Variants in SOX6 observed in about 807,000 individuals in gnomAD.
SOX6 encodes the protein SRY-box transcription factor 6, also known as transcription factor SOX-6.
Under a neutral mutation model 97.8 loss-of-function variants are expected in SOX6, and 11 were observed. The ratio of observed to expected loss-of-function variants is 0.11; its 90% CI spans 0.07 to 0.19. SOX6 has a LOEUF of 0.19. Among genes scored for constraint, SOX6 ranks in the 10% least tolerant of loss-of-function variants. The probability of loss-of-function intolerance (pLI) is 1.00; values close to 1 mark genes in which losing one functional copy is unlikely to be tolerated. For synonymous variants in SOX6, 360 were observed against 371.4 expected (o/e 0.97, Z 0.35); for missense variants, 810 against 1,039.5 (o/e 0.78, Z 3.04).
chr11:16,055,938 A>G (rs1300653483), intron 9 of SOX6, 37 bp from the exon 10 acceptor site: 3 of 1,610,526 alleles, frequency 1.9e-6, no homozygotes, highest in South Asian at 1.1e-5. Flanking sequence ...ATCTCTTTAA[A>G]TGCAGCTGAA....
intron 3 of SOX6, among the ~76,000 whole-genome samples, chr11:16,641,458 C>T (rs989052479): frequency 6.6e-6 from 1 of 152,014 alleles, no homozygotes; most frequent in African/African-American, 2.4e-5. Context: ...TCCTGGATAT[C>T]CTTGTTAACT....
chr11:16,715,163 A>G (rs1442055136), intron 2 of SOX6, among the ~76,000 whole-genome samples: 1 of 152,214 alleles, frequency 6.6e-6, no homozygotes, highest in Non-Finnish European at 1.5e-5. Flanking sequence ...GGTGCTAGAA[A>G]TATGACTAGC....
At chr11:16,482,061 T>G (rs1860353510) in intron 4 of SOX6, among the ~76,000 whole-genome samples, 1 of 152,214 alleles carries the variant, frequency 6.6e-6, no homozygotes, top group African/African-American at 2.4e-5. Flanking sequence ...GCATTCAATC[T>G]GTTGTGATAT....
chr11:16,426,767 A>C (rs1241615272), intron 1 of SOX6, among the ~76,000 whole-genome samples: 1 of 151,236 alleles, frequency 6.6e-6, no homozygotes, highest in African/African-American at 2.4e-5. Flanking sequence ...ACAAAAAATT[A>C]GCCGGGCGTA....
At chr11:16,098,882 G>A (rs1477763804) in intron 7 of SOX6, among the ~76,000 whole-genome samples, 1 of 151,776 alleles carries the variant, frequency 6.6e-6, no homozygotes, top group Non-Finnish European at 1.5e-5. Context: ...GTATGGACAC[G>A]AATACCTGGA....
chr11:16,665,141 G>C (rs140530447), intron 3 of SOX6, among the ~76,000 whole-genome samples: 1 of 151,646 alleles, frequency 6.6e-6, no homozygotes, highest in East Asian at 2.0e-4. Context: ...GGTGAATATG[G>C]GGAGAGACTC....
chr11:16,523,738 A>G (rs1861109101), intron 4 of SOX6, among the ~76,000 whole-genome samples: 1 of 152,198 alleles, frequency 6.6e-6, no homozygotes, highest in South Asian at 2.1e-4. Context: ...ACCACTAGCA[A>G]GACTAATAAA....
chr11:16,355,573 C>T (rs7933830), intron 1 of SOX6, among the ~76,000 whole-genome samples: 46,913 of 151,830 alleles, frequency 0.31, 7,756 homozygotes, highest in African/African-American at 0.38. Flanking sequence ...AACACATCAG[C>T]AATTACCCAG....
At chr11:16,038,734 A>G (rs1855580319) in intron 12 of SOX6, among the ~76,000 whole-genome samples, 1 of 152,136 alleles carries the variant, frequency 6.6e-6, no homozygotes, top group South Asian at 2.1e-4. Context: ...ATGAAATTGA[A>G]AAAAAGTGTG....
At chr11:16,258,879 C>T (rs1304788597) in intron 3 of SOX6, among the ~76,000 whole-genome samples, 1 of 151,174 alleles carries the variant, frequency 6.6e-6, no homozygotes, top group African/African-American at 2.4e-5. Flanking sequence ...ATTATATATA[C>T]ATATATACAC....
At chr11:16,126,285 A>G (rs1214867054) in intron 6 of SOX6, among the ~76,000 whole-genome samples, 1 of 152,068 alleles carries the variant, frequency 6.6e-6, no homozygotes, top group East Asian at 1.9e-4. Context: ...TTAGTTCCAC[A>G]TGACAGTTCC....
At chr11:16,675,161 A>C (rs1847875581) in intron 3 of SOX6, among the ~76,000 whole-genome samples, 1 of 152,234 alleles carries the variant, frequency 6.6e-6, no homozygotes, top group East Asian at 1.9e-4. Context: ...AAAGAAACAA[A>C]AAATATAATC....
At chr11:16,043,891 G>T (rs1203848934) in intron 12 of SOX6, among the ~76,000 whole-genome samples, 1 of 151,794 alleles carries the variant, frequency 6.6e-6, no homozygotes, top group East Asian at 1.9e-4. Context: ...CTTATCCAAT[G>T]ACTGGTTGAT....
At chr11:16,670,318 G>A (rs1485423067) in intron 3 of SOX6, among the ~76,000 whole-genome samples, 9 of 151,920 alleles carry the variant, frequency 5.9e-5, no homozygotes, top group Admixed American at 4.6e-4. Context: ...TCCTCCCTGC[G>A]AGCCTTCAAC....
chr11:16,632,327 C>T (rs541823717), intron 3 of SOX6, among the ~76,000 whole-genome samples: 8 of 152,212 alleles, frequency 5.3e-5, no homozygotes, highest in East Asian at 1.9e-4. Flanking sequence ...CTTCTAAAGT[C>T]CCATGCACTT....
At chr11:16,501,594 G>T (rs1377201448) in intron 4 of SOX6, among the ~76,000 whole-genome samples, 1 of 151,748 alleles carries the variant, frequency 6.6e-6, no homozygotes, top group South Asian at 2.1e-4. Context: ...GATCTAGAAA[G>T]AACTCAAACA....
chr11:16,646,667 T>C (rs1266858162), intron 3 of SOX6, among the ~76,000 whole-genome samples: 2 of 152,190 alleles, frequency 1.3e-5, no homozygotes, highest in African/African-American at 2.4e-5. Flanking sequence ...GTATAATTCT[T>C]ATGCCTTTGC....
At chr11:16,255,555 A>G (rs931087826) in intron 3 of SOX6, among the ~76,000 whole-genome samples, 3 of 152,108 alleles carry the variant, frequency 2.0e-5, no homozygotes, top group African/African-American at 7.2e-5. Flanking sequence ...TTTGTACTAA[A>G]TTGAAATAAA....
chr11:16,298,528 T>C (rs534944415), intron 3 of SOX6, among the ~76,000 whole-genome samples: 64 of 152,034 alleles, frequency 4.2e-4, no homozygotes, highest in African/African-American at 1.4e-3. Context: ...TAAAAATAAG[T>C]ACCCAAAGAA....
Sources: gnomAD v4.1 joint callset for allele counts (sites outside exome capture counted in the v4.1 genomes callset) on GRCh38, gnomAD v4.1.1 for gene constraint, MANE v1.5 for transcripts, NCBI Gene and HGNC (gene_info 2026-07-23, HGNC 2026-07-21) for gene names.